SCIN: variants seen among roughly 807,000 people sequenced by gnomAD.
The protein encoded by SCIN is adseverin.
In SCIN, 91 loss-of-function variants were observed where a neutral mutation model predicts 91.8. The observed-to-expected ratio is 0.99, with a 90% confidence interval of 0.84 to 1.18. The LOEUF is 1.18. SCIN is among the 50% of genes most tolerant of loss of function. The pLI is 0.00. For missense variants in SCIN, 1,087 were observed against 863.9 expected (o/e 1.26, Z -3.24); for synonymous variants, 367 against 312.6 (o/e 1.17, Z -1.84).
At chr7:12,609,316 G>A (rs908442888) in intron 4 of SCIN, among the ~76,000 whole-genome samples, 7 of 152,136 alleles carry the variant, frequency 4.6e-5, no homozygotes, top group Non-Finnish European at 8.8e-5. Flanking sequence ...ATTTTACTCT[G>A]AGCTTGTTTT....
chr7:12,626,231 CT>C, intron 7 of SCIN: 1 of 314,788 alleles, frequency 3.2e-6, no homozygotes. Flanking sequence ...CTAGTTACTC[CT>C]TTCCTTTCCG....
At chr7:12,619,350 G>A (rs1783360004) in intron 4 of SCIN, among the ~76,000 whole-genome samples, 1 of 152,086 alleles carries the variant, frequency 6.6e-6, no homozygotes, top group Non-Finnish European at 1.5e-5. Flanking sequence ...TTTATCCAAA[G>A]TAGGTAAAGT....
At chr7:12,626,948 G>T in intron 8 of SCIN, 149 bp downstream of exon 8, 1 of 698,140 alleles carries the variant, frequency 1.4e-6, no homozygotes, top group South Asian at 1.9e-5. Context: ...AAATTAGCCA[G>T]GTGTGATGGA....
At chr7:12,604,218 A>G (rs1435859036) in intron 3 of SCIN, among the ~76,000 whole-genome samples, 1 of 152,076 alleles carries the variant, frequency 6.6e-6, no homozygotes, top group Non-Finnish European at 1.5e-5. Flanking sequence ...GAAGTGTGGT[A>G]TATTTATTAT....
rs1218907702 is a variant in SCIN at position 12,649,514 on chromosome 7, T to C, written c.1929T>C (p.Asp643=). ...TCACCCAGGATGATTTAGCTGAAGA[T>C]GATGTCATGTTACTAGATGCTTGGG... ...GEFTQDDLAE[D]DVMLLDAWEQ... Residue 643 remains aspartate (D), a synonymous_variant, in exon 14 of 16, where the codon GAT becomes GAC. Transcript: ENST00000297029. 1 of 1,602,816 alleles carries C rather than the reference T, an allele frequency of 6.2e-7. No homozygotes were observed. The highest frequency in any genetic ancestry group is 2.2e-5 in the East Asian group (1 of 44,620).
intron 4 of SCIN, among the ~76,000 whole-genome samples, chr7:12,621,097 T>C (rs1452704996): frequency 6.6e-6 from 1 of 152,168 alleles, no homozygotes; most frequent in Non-Finnish European, 1.5e-5. Context: ...AAGATCAAAA[T>C]GTATGGCCTA....
chr7:12,633,616 G>A (rs1783688277), intron 9 of SCIN, among the ~76,000 whole-genome samples: 1 of 152,124 alleles, frequency 6.6e-6, no homozygotes. Context: ...AAAAATAAAA[G>A]GAGCAAAATG....
Position 12,616,848 on chromosome 7 carries a change from C to G in SCIN, c.667-5953C>G, listed in dbSNP as rs1477009018. Among the ~76,000 whole-genome samples, 5 of 152,184 alleles carry G rather than the reference C, an allele frequency of 3.3e-5. No homozygotes were observed. The East Asian group carries it at 9.6e-4, about 29-fold the overall frequency. On this transcript the variant is annotated intron_variant, in intron 4 of 15. Coordinates refer to ENST00000297029, the MANE Select transcript of SCIN (RefSeq NM_001112706.3). ...GGACTTCAATGAAAGGAAGAGATTA[C>G]TATATCATATTCCTTTTTCTCAGCA...
In SCIN at chr7:12,649,549, A is replaced by G. The variant is rs761720773; in HGVS notation, c.1959+5A>G. 7 of 1,584,300 alleles carry G rather than the reference A, an allele frequency of 4.4e-6. No homozygotes were observed. The highest frequency in any genetic ancestry group is 1.8e-5 in the Admixed American group (1 of 56,384). ...TTACTAGATGCTTGGGAACAGGTAA[A>G]ACTACATTTTGTTCATAAGAAGAGA... On this transcript the variant is annotated splice_donor_5th_base_variant and intron_variant, in intron 14 of 15. Transcript: ENST00000297029.
chr7:12,637,223 A>C (rs985744064), intron 10 of SCIN, among the ~76,000 whole-genome samples: 1 of 152,274 alleles, frequency 6.6e-6, no homozygotes, highest in African/African-American at 2.4e-5. Context: ...ACAACAGTGC[A>C]GAACAAGCAC....
At chr7:12,603,056 C>T (rs555877354) in intron 3 of SCIN, among the ~76,000 whole-genome samples, 98 of 152,114 alleles carry the variant, frequency 6.4e-4, no homozygotes, top group Non-Finnish European at 1.2e-3. Flanking sequence ...CCTGACTTCC[C>T]GCAACAGTTT....
intron 3 of SCIN, among the ~76,000 whole-genome samples, chr7:12,590,978 G>A (rs911904830): frequency 1.3e-5 from 2 of 152,058 alleles, no homozygotes; most frequent in African/African-American, 4.8e-5. Flanking sequence ...TTTGGGAGGA[G>A]GATCCTGGCT....
At chr7:12,634,136 G>C (rs1242097237) in intron 9 of SCIN, among the ~76,000 whole-genome samples, 1 of 152,060 alleles carries the variant, frequency 6.6e-6, no homozygotes, top group Non-Finnish European at 1.5e-5. Context: ...TCCGAGTATG[G>C]AACAGTTTAC....
At chr7:12,618,194 TAAATA>T (rs578090832) in intron 4 of SCIN, among the ~76,000 whole-genome samples, 187 of 152,210 alleles carry the variant, frequency 1.2e-3, no homozygotes, top group African/African-American at 4.2e-3. Flanking sequence ...TCCTTAAAAT[TAAATA>T]AAATGTAAAA....
In SCIN at chr7:12,578,193, A is replaced by C. The variant is rs1346937873; in HGVS notation, c.329A>C (p.Tyr110Ser). 7.1e-6 allele frequency: 11 copies of C among 1,547,376 alleles called. No individual in the cohort carries two copies. Among genetic ancestry groups the C allele is most frequent in the Middle Eastern group, 1.7e-4 (1 of 5,972 alleles). ...QGYESNDFVS[Y>S]FKGGLKYKAG... The stretch of plus-strand genomic sequence containing the variant: ...TATGAGTCTAATGACTTTGTTAGCT[A>C]TTTCAAAGGCGGTCTGAAATACAAG... The change falls in exon 2 of 16, where the codon TAT (tyrosine) becomes TCT (serine). Residue 110 changes from tyrosine (Y) to serine (S), a missense_variant. Transcript: ENST00000297029.
intron 4 of SCIN, among the ~76,000 whole-genome samples, chr7:12,608,321 G>GCGCACA (rs1554293586): frequency 6.1e-5 from 9 of 148,680 alleles, no homozygotes; most frequent in African/African-American, 1.7e-4. Context: ...ATGCACACAT[G>GCGCACA]CACACACACA....
chr7:12,603,085 A>G (rs1486288460), intron 3 of SCIN, among the ~76,000 whole-genome samples: 4 of 151,908 alleles, frequency 2.6e-5, no homozygotes, highest in Non-Finnish European at 5.9e-5. Flanking sequence ...TTTATATCCC[A>G]TGTTCGAATA....
intron 3 of SCIN, among the ~76,000 whole-genome samples, chr7:12,601,165 A>G (rs1477576917): frequency 1.3e-5 from 2 of 152,172 alleles, no homozygotes; most frequent in Admixed American, 6.5e-5. Context: ...TGTGTATTTT[A>G]TTCTTAAAGA....
chr7:12,631,263 G>A (rs1783636132), intron 9 of SCIN, among the ~76,000 whole-genome samples: 1 of 152,206 alleles, frequency 6.6e-6, no homozygotes, highest in Admixed American at 6.5e-5. Context: ...TGGAGATACA[G>A]TGGTGGAAAG....
Sources: allele counts gnomAD v4.1 joint callset (sites outside exome capture counted in the v4.1 genomes callset), GRCh38; gene constraint gnomAD v4.1.1; transcripts MANE v1.5; gene names NCBI Gene and HGNC (gene_info 2026-07-23, HGNC 2026-07-21).